MTRR: variants seen among roughly 807,000 people sequenced by gnomAD.
MTRR encodes the protein 5-methyltetrahydrofolate-homocysteine methyltransferase reductase.
MTRR carries 63 observed loss-of-function variants against 79.2 expected under a neutral mutation model. The ratio of observed to expected loss-of-function variants is 0.80; its 90% confidence interval spans 0.65 to 0.98. MTRR has a LOEUF of 0.98. Among genes scored for constraint, MTRR ranks in the 50% least tolerant of loss-of-function variants. The pLI, the probability that MTRR is intolerant of heterozygous loss-of-function variation, is 0.00. For synonymous variants in MTRR, 355 were observed against 313.3 expected (o/e 1.13, Z -1.41); for missense variants, 895 against 839.6 (o/e 1.07, Z -0.82).
At chr5:7,881,181 T>C (rs1235086516) in intron 5 of MTRR, among the ~76,000 whole-genome samples, 1 of 152,146 alleles carries the variant, frequency 6.6e-6, no homozygotes, top group Non-Finnish European at 1.5e-5. Context: ...TACATCTGTG[T>C]TCTGCCCTCC....
At chr5:7,893,246 G>T in intron 11 of MTRR, 1 of 301,486 alleles carries the variant, frequency 3.3e-6, no homozygotes, top group South Asian at 3.7e-5. Flanking sequence ...ATTTAAGGGG[G>T]GTGATGAGAG....
intron 1 of MTRR, among the ~76,000 whole-genome samples, chr5:7,858,114 A>G (rs1268401468): frequency 6.6e-6 from 1 of 152,186 alleles, no homozygotes; most frequent in African/African-American, 2.4e-5. Context: ...TAGCTGAGTC[A>G]TAGGAAGAGG....
In MTRR at chr5:7,893,325, G is replaced by A. The variant is rs74429961; in HGVS notation, c.1557+412G>A. On this transcript the variant is annotated intron_variant, in intron 11 of 14. Transcript: ENST00000440940. Reference sequence around the variant, plus strand: ...AGTAGTTTTACATTGGGAGTCTGAGGGCAACTAAAGATTAATTTTATATTG... The same window carrying A: ...AGTAGTTTTACATTGGGAGTCTGAGAGCAACTAAAGATTAATTTTATATTG... 513 of 189,618 alleles carry A rather than the reference G, an allele frequency of 2.7e-3. 3 individuals are homozygous for A. The highest frequency in any genetic ancestry group is 0.012 in the African/African-American group (494 of 42,028). 11.7% of individuals were successfully genotyped at this position (189,618 alleles called of 1,614,324 possible). A position where few individuals can be genotyped will look rare whatever the true frequency, so the allele number is the denominator to read the frequency against.
At chr5:7,864,246 T>C (rs1292573885), upstream of MTRR, among the ~76,000 whole-genome samples, 1 of 152,224 alleles carries the variant, frequency 6.6e-6, no homozygotes, top group South Asian at 2.1e-4. Flanking sequence ...CTACAATGTA[T>C]ACATATTTCA....
chr5:7,873,670 G>A, intron 3 of MTRR, 144 bp downstream of exon 3: 1 of 969,630 alleles, frequency 1.0e-6, no homozygotes, highest in Non-Finnish European at 1.5e-6. Flanking sequence ...ATAAATGTAT[G>A]TAATGTGCTA....
At chr5:7,884,397 C>G (rs1736076678) in intron 6 of MTRR, among the ~76,000 whole-genome samples, 1 of 152,214 alleles carries the variant, frequency 6.6e-6, no homozygotes, top group African/African-American at 2.4e-5. Flanking sequence ...TGTATATAAT[C>G]TATGCACATC....
At chr5:7,881,383 TG>T (rs1735568124) in intron 5 of MTRR, among the ~76,000 whole-genome samples, 1 of 151,750 alleles carries the variant, frequency 6.6e-6, no homozygotes, top group Non-Finnish European at 1.5e-5. Flanking sequence ...GGTGTGGTAG[TG>T]GGGGTACAGG....
chr5:7,891,457 A>G (rs375216112), intron 10 of MTRR, 43 bp downstream of exon 10: 117 of 1,521,002 alleles, frequency 7.7e-5, no homozygotes, highest in Non-Finnish European at 1.0e-4. Context: ...TGTTTCTCCA[A>G]AATCTTAGAC....
upstream of MTRR, chr5:7,867,030 T>TA: frequency 2.5e-6 from 4 of 1,614,146 alleles, no homozygotes; most frequent in Non-Finnish European, 3.4e-6. Flanking sequence ...AGGGCTTTTG[T>TA]AAAAAATGTG....
intron 1 of MTRR, among the ~76,000 whole-genome samples, chr5:7,852,679 A>G (rs1402147783): frequency 6.6e-6 from 1 of 152,032 alleles, no homozygotes. Flanking sequence ...GGCTGAAGTC[A>G]TGAAAGGCAT....
intron 1 of MTRR, among the ~76,000 whole-genome samples, chr5:7,854,610 A>T (rs564456430): frequency 1.3e-5 from 2 of 152,062 alleles, no homozygotes; most frequent in Admixed American, 6.6e-5. Context: ...CCCTGATAAA[A>T]CTATCAGATC....
upstream of MTRR, chr5:7,869,065 A>G (rs1385161580): frequency 1.8e-5 from 28 of 1,566,144 alleles, no homozygotes; most frequent in Non-Finnish European, 2.5e-5. Context: ...CGGGAGCACG[A>G]CTCAGGGCGG....
intron 9 of MTRR, among the ~76,000 whole-genome samples, chr5:7,890,964 A>G (rs1433079458): frequency 6.6e-6 from 1 of 151,832 alleles, no homozygotes; most frequent in Non-Finnish European, 1.5e-5. Context: ...TGGGATCATG[A>G]CTTTATTTTA....
At chr5:7,886,775 A>G in intron 8 of MTRR, 72 bp downstream of exon 8, 3 of 1,193,596 alleles carry the variant, frequency 2.5e-6, no homozygotes, top group Non-Finnish European at 3.7e-6. Flanking sequence ...GATTAAACAA[A>G]TTTAGAATAT....
chr5:7,878,323 G>A lies in MTRR; in HGVS notation c.780+1G>A. 6.2e-7 allele frequency: 1 copy of A among 1,614,124 alleles called. No homozygotes were observed. The highest frequency in any genetic ancestry group is 8.5e-7 in the Non-Finnish European group (1 of 1,180,006). On this transcript the variant is annotated splice_donor_variant, in intron 5 of 14. Transcript: ENST00000440940. LOFTEE classifies it high-confidence loss of function. The stretch of plus-strand genomic sequence containing the variant: ...ACATCTGCAGGAGTCTCTTGGCCAG[G>A]TAAGGAAGTTTTTCTTTATGCTATA...
At chr5:7,861,029 G>T in intron 1 of MTRR, 1 of 619,162 alleles carries the variant, frequency 1.6e-6, no homozygotes, top group Non-Finnish European at 2.9e-6. Flanking sequence ...AATAATTGCT[G>T]CCTGATCAAA....
At chr5:7,889,054 C>T (rs758413426) in intron 8 of MTRR, 41 bp from the exon 9 acceptor site, 33 of 1,611,946 alleles carry the variant, frequency 2.0e-5, no homozygotes, top group Non-Finnish European at 2.5e-5. Context: ...TAGCTCTACC[C>T]ACAAATTGTG....
chr5:7,862,908 T>A (rs200140125), intron 2 of MTRR: 2 of 1,614,030 alleles, frequency 1.2e-6, no homozygotes, highest in Non-Finnish European at 1.7e-6. Context: ...TCTTCACATA[T>A]CTATAAAGCT....
intron 1 of MTRR, chr5:7,869,481 A>G (rs989390152): frequency 1.4e-5 from 7 of 507,876 alleles, no homozygotes; most frequent in African/African-American, 8.1e-5. Flanking sequence ...GTCTCTCCTC[A>G]TGTTCTGCCT....
Sources: allele counts gnomAD v4.1 joint callset (sites outside exome capture counted in the v4.1 genomes callset), GRCh38; gene constraint gnomAD v4.1.1; transcripts MANE v1.5; gene names NCBI Gene and HGNC (gene_info 2026-07-23, HGNC 2026-07-21).